LEPR: variants seen among roughly 807,000 people sequenced by gnomAD.
LEPR encodes the protein OB receptor.
LEPR carries 56 observed loss-of-function variants against 114.7 expected under a neutral mutation model. That is an observed-to-expected ratio of 0.49 (90% CI 0.39 to 0.61). LEPR has a LOEUF of 0.61. LEPR is among the 20% of genes least tolerant of loss of function. LEPR has a pLI of 0.00. For missense variants in LEPR, 1,202 were observed against 1,352.9 expected (o/e 0.89, Z 1.75); for synonymous variants, 443 against 461.4 (o/e 0.96, Z 0.51).
At chr1:65,634,578 T>C (rs775858805) in intron 19 of LEPR, 39 of 946,822 alleles carry the variant, frequency 4.1e-5, no homozygotes, top group Non-Finnish European at 4.7e-5. Flanking sequence ...ATATTCTATC[T>C]GAATGCATTG....
At chr1:65,574,951 A>G (rs1654474326) in intron 5 of LEPR, among the ~76,000 whole-genome samples, 1 of 152,180 alleles carries the variant, frequency 6.6e-6, no homozygotes, top group South Asian at 2.1e-4. Flanking sequence ...ACTTGAAGAA[A>G]GGACCCGGAA....
chr1:65,542,083 T>C (rs1447573096), intron 2 of LEPR, among the ~76,000 whole-genome samples: 7 of 152,208 alleles, frequency 4.6e-5, no homozygotes, highest in Admixed American at 4.6e-4. Flanking sequence ...TTTTTCTTCA[T>C]AGTAATAACT....
intron 5 of LEPR, among the ~76,000 whole-genome samples, chr1:65,588,268 G>T (rs1336523073): frequency 6.6e-6 from 1 of 151,668 alleles, no homozygotes; most frequent in African/African-American, 2.4e-5. Context: ...TATTTTTTAT[G>T]CCCTGTATTT....
In LEPR at chr1:65,637,716, A is replaced by T. The variant is rs1658761788; in HGVS notation, c.*701A>T. 6.6e-6 allele frequency: 1 copy of T among 152,224 alleles called. No individual in the cohort carries two copies. Among genetic ancestry groups the T allele is most frequent in the Non-Finnish European group, 1.5e-5 (1 of 68,086 alleles). The allele number at this position is 152,224 out of a possible 1,614,324, so 9.4% of individuals were successfully genotyped here. ...CTTTCTGATAAAGTTAGATTGCCAA[A>T]TGTCACTGTATATCTCTCCGGAATA... On this transcript the variant is annotated 3_prime_UTR_variant, in exon 20 of 20. Coordinates refer to ENST00000349533, the MANE Select transcript of LEPR (RefSeq NM_002303.6).
chr1:65,438,629 T>C (rs1646600727), intron 2 of LEPR, among the ~76,000 whole-genome samples: 2 of 151,336 alleles, frequency 1.3e-5, no homozygotes, highest in South Asian at 4.2e-4. Context: ...TATAGATTCA[T>C]GAAGTGGCAG....
At chr1:65,475,048 T>A (rs1210437381) in intron 2 of LEPR, among the ~76,000 whole-genome samples, 2 of 105,118 alleles carry the variant, frequency 1.9e-5, no homozygotes, top group Non-Finnish European at 2.3e-5. Flanking sequence ...AAAATAATCA[T>A]TTTGAAAGGT....
chr1:65,545,322 A>G (rs1198084792), intron 2 of LEPR, among the ~76,000 whole-genome samples: 1 of 152,142 alleles, frequency 6.6e-6, no homozygotes, highest in African/African-American at 2.4e-5. Context: ...GTATACACCC[A>G]GTAATGGGAT....
chr1:65,619,931 AT>A lies in LEPR; in HGVS notation c.2403del (p.Phe801LeufsTer24). 6.2e-7 allele frequency: 1 copy of A among 1,611,640 alleles called. No homozygotes were observed. The highest frequency in any genetic ancestry group is 2.2e-5 in the East Asian group (1 of 44,684). On this transcript the variant is annotated frameshift_variant, in exon 17 of 20. Transcript: ENST00000349533. LOFTEE classifies it high-confidence loss of function. ...SSVKKYYIHD[H>X]FIPIEKYQFS... ...TTTTACGTATTTTTCTCCTCAGATC[AT>A]TTTATCCCCATTGAGAAGTACCAGT... is the stretch of plus-strand genomic sequence containing the variant.
At chr1:65,433,484 T>C in intron 2 of LEPR, 1 of 985,416 alleles carries the variant, frequency 1.0e-6, no homozygotes, top group Non-Finnish European at 1.2e-6. Context: ...ACCAATAGTC[T>C]TTAAGCATTG....
At chr1:65,509,225 G>A (rs1479343820) in intron 2 of LEPR, among the ~76,000 whole-genome samples, 1 of 152,078 alleles carries the variant, frequency 6.6e-6, no homozygotes, top group East Asian at 1.9e-4. Flanking sequence ...CCCGTACTAT[G>A]TTGCATAGGA....
chr1:65,597,103 G>T (rs1410685740), intron 7 of LEPR, among the ~76,000 whole-genome samples: 1 of 152,002 alleles, frequency 6.6e-6, no homozygotes, highest in East Asian at 1.9e-4. Flanking sequence ...GATCACCATG[G>T]CCTGTCTTCA....
At chr1:65,578,713 T>C (rs1164009770) in intron 5 of LEPR, among the ~76,000 whole-genome samples, 2 of 152,116 alleles carry the variant, frequency 1.3e-5, no homozygotes, top group African/African-American at 4.8e-5. Context: ...AAATTGTAAA[T>C]TTAATAATTC....
intron 2 of LEPR, among the ~76,000 whole-genome samples, chr1:65,494,599 G>A (rs1313064213): frequency 6.6e-6 from 1 of 152,016 alleles, no homozygotes; most frequent in Non-Finnish European, 1.5e-5. Context: ...CTATCACAAA[G>A]GTTTACTTTA....
chr1:65,544,036 A>G (rs1363574778), intron 2 of LEPR, among the ~76,000 whole-genome samples: 1 of 152,052 alleles, frequency 6.6e-6, no homozygotes, highest in African/African-American at 2.4e-5. Context: ...GATAGCACTG[A>G]ATCTATAAAT....
intron 2 of LEPR, among the ~76,000 whole-genome samples, chr1:65,550,614 C>G (rs1185588242): frequency 6.6e-6 from 1 of 152,214 alleles, no homozygotes; most frequent in Non-Finnish European, 1.5e-5. Flanking sequence ...GTAGGACCCT[C>G]CGAACCAAGT....
At chr1:65,484,618 C>T (rs1200693095) in intron 2 of LEPR, among the ~76,000 whole-genome samples, 1 of 152,150 alleles carries the variant, frequency 6.6e-6, no homozygotes, top group African/African-American at 2.4e-5. Context: ...TACAGGAGGA[C>T]TCTGGGTGAG....
At position 65,640,114 on chromosome 1, in the gene LEPR, T is replaced by C. The variant is rs1470184152; in HGVS notation, c.*3099T>C. ...TTCCCTAATAAAACTTATTCTCTCT[T>C]CCATAATATCATATATATGGTCACA... On this transcript the variant is annotated 3_prime_UTR_variant, in exon 20 of 20. Transcript: ENST00000349533. The C allele has an allele frequency of 6.6e-6, 1 of 152,166 alleles. No homozygotes were observed. Among genetic ancestry groups the C allele is most frequent in the Non-Finnish European group, 1.5e-5 (1 of 68,020 alleles). The allele number at this position is 152,166 out of a possible 1,614,324, so 9.4% of individuals were successfully genotyped here.
At position 65,636,838 on chromosome 1, in the gene LEPR, C is replaced by T. The variant is rs748672681; in HGVS notation, c.3321C>T (p.Pro1107=). 1.2e-6 allele frequency: 2 copies of T among 1,612,936 alleles called. No individual in the cohort carries two copies. The highest frequency in any genetic ancestry group is 2.2e-5 in the South Asian group (2 of 90,808). ...GGGTATCGTGCCCATTCCCAGCCCCCTGTTTATTCACGGACATCAGAGTTC... is the reference window on the plus strand; with the variant it reads ...GGGTATCGTGCCCATTCCCAGCCCCTTGTTTATTCACGGACATCAGAGTTC... ...KSRVSCPFPA[P]CLFTDIRVLQ... The change falls in exon 20 of 20, where the codon CCC becomes CCT. Residue 1107 remains proline (P), a synonymous_variant. Transcript: ENST00000349533.
chr1:65,420,739 AG>A lies in LEPR; in HGVS notation c.-97+1del. On this transcript the variant is annotated splice_region_variant and 5_prime_UTR_variant, in exon 1 of 20. The change creates a premature stop within an existing upstream ORF in the 5' untranslated region. Transcript: ENST00000349533. ...GTTCGGGAGACATGGCGGGCGTTAA[AG>A]GTACATCGCGGTCCCCGGCTCGCTT... 1 of 1,582,666 alleles carries A rather than the reference AG, an allele frequency of 6.3e-7. No homozygotes were observed. Among genetic ancestry groups the A allele is most frequent in the Middle Eastern group, 1.7e-4 (1 of 5,934 alleles).
Sources: gnomAD v4.1 joint callset for allele counts (sites outside exome capture counted in the v4.1 genomes callset) on GRCh38, gnomAD v4.1.1 for gene constraint, MANE v1.5 for transcripts, NCBI Gene and HGNC (gene_info 2026-07-23, HGNC 2026-07-21) for gene names.